Variants in AP1B1 observed in about 807,000 individuals in gnomAD.
AP1B1 encodes the protein adaptor related protein complex 1 subunit beta 1, also known as AP-1 complex subunit beta-1.
In AP1B1, 36 loss-of-function variants were observed where a neutral mutation model predicts 104.3. The observed-to-expected ratio is 0.35, with a 90% CI of 0.26 to 0.46. The LOEUF (loss-of-function observed/expected upper bound fraction) is 0.46. AP1B1 is among the 20% of genes least tolerant of loss of function. The pLI, the probability that AP1B1 is intolerant of heterozygous loss-of-function variation, is 1.00. For missense variants in AP1B1, 901 were observed against 1,247.9 expected (o/e 0.72, Z 4.19); for synonymous variants, 504 against 517.5 (o/e 0.97, Z 0.35).
At chr22:29,357,748 G>A (rs1387678046) in intron 5 of AP1B1, among the ~76,000 whole-genome samples, 1 of 138,682 alleles carries the variant, frequency 7.2e-6, no homozygotes, top group African/African-American at 2.8e-5. Flanking sequence ...GTACAGTGAC[G>A]CAGTCTTAGC....
chr22:29,342,441 G>C, intron 11 of AP1B1, 58 bp from the exon 12 acceptor site: 1 of 1,416,932 alleles, frequency 7.1e-7, no homozygotes, highest in South Asian at 1.2e-5. Flanking sequence ...GATAGAGGGA[G>C]AACAAAAAGG....
intron 1 of AP1B1, among the ~76,000 whole-genome samples, chr22:29,374,599 T>C (rs2148039100): frequency 6.6e-6 from 1 of 152,286 alleles, no homozygotes; most frequent in East Asian, 1.9e-4. Flanking sequence ...GCTGAACTGA[T>C]AAAGAGCCAA....
At chr22:29,378,294 C>T (rs1194292008) in intron 1 of AP1B1, among the ~76,000 whole-genome samples, 1 of 152,106 alleles carries the variant, frequency 6.6e-6, no homozygotes, top group African/African-American at 2.4e-5. Context: ...CGGTGACCCA[C>T]ACCTGTAATC....
chr22:29,384,855 G>A (rs899721287), intron 1 of AP1B1, among the ~76,000 whole-genome samples: 1 of 151,998 alleles, frequency 6.6e-6, no homozygotes, highest in Non-Finnish European at 1.5e-5. Context: ...GCGAAAAAGC[G>A]AGACTCTGTC....
rs747668901 is a variant in AP1B1 at position 29,350,143 on chromosome 22, G to A, written c.1163C>T (p.Ala388Val). 3.1e-6 allele frequency: 5 copies of A among 1,613,634 alleles called. No individual in the cohort carries two copies. Among genetic ancestry groups the A allele is most frequent in the African/African-American group, 1.3e-5 (1 of 74,920 alleles). Residue 388 changes from alanine (A) to valine (V), a missense_variant, in exon 10 of 23, where the codon GCG becomes GTG. Ala to Val is a moderately conservative substitution (Grantham distance 64, BLOSUM62 0). This residue lies in a region of AP1B1 where 471 missense variants were observed against 696.7 expected (regional missense o/e 0.68). Coordinates refer to ENST00000357586, the MANE Select transcript of AP1B1 (RefSeq NM_001127.4). ...GRCAIKVEQS[A>V]ERCVSTLLDL... ...GAGCAGCGTGCTCACACAGCGCTCC[G>A]CAGATTGCTGCATGGGAAGAGAAGA...
chr22:29,371,740 C>G (rs2062242284), intron 1 of AP1B1, among the ~76,000 whole-genome samples: 1 of 151,362 alleles, frequency 6.6e-6, no homozygotes, highest in African/African-American at 2.4e-5. Flanking sequence ...AAAAAAAAAG[C>G]CAGCAAATTT....
intron 7 of AP1B1, among the ~76,000 whole-genome samples, chr22:29,353,398 A>G: frequency 6.6e-6 from 1 of 152,174 alleles, no homozygotes; most frequent in Non-Finnish European, 1.5e-5. Flanking sequence ...TCTCAGGACC[A>G]GGGCAGGGCA....
At chr22:29,359,656 G>T in intron 4 of AP1B1, 168 bp downstream of exon 4, 2 of 791,262 alleles carry the variant, frequency 2.5e-6, no homozygotes, top group Non-Finnish European at 3.9e-6. Flanking sequence ...CTGATTTTCT[G>T]GAGAGTGGGA....
intron 2 of AP1B1, among the ~76,000 whole-genome samples, chr22:29,366,298 T>C (rs1319253309): frequency 6.6e-6 from 1 of 152,194 alleles, no homozygotes; most frequent in Non-Finnish European, 1.5e-5. Flanking sequence ...TTGGGAAATG[T>C]TTATGATATC....
intron 1 of AP1B1, among the ~76,000 whole-genome samples, chr22:29,377,957 C>A (rs552915971): frequency 6.6e-6 from 1 of 152,102 alleles, no homozygotes; most frequent in Non-Finnish European, 1.5e-5. Flanking sequence ...TGCCGGCACT[C>A]TCCACTGCTG....
intron 2 of AP1B1, among the ~76,000 whole-genome samples, chr22:29,364,588 T>G (rs1339931671): frequency 6.6e-6 from 1 of 152,074 alleles, no homozygotes; most frequent in Non-Finnish European, 1.5e-5. Context: ...CCAGCTAATT[T>G]TTGTATTTTT....
At chr22:29,331,277 G>A (rs867937395) in intron 19 of AP1B1, among the ~76,000 whole-genome samples, 172 bp downstream of exon 19, 14 of 152,050 alleles carry the variant, frequency 9.2e-5, no homozygotes, top group Admixed American at 8.5e-4. Context: ...CACTAAGGCC[G>A]GGGGGGTCCT....
At chr22:29,331,305 C>T (rs1024135817) in intron 19 of AP1B1, 144 bp downstream of exon 19, 1 of 847,120 alleles carries the variant, frequency 1.2e-6, no homozygotes. Context: ...CCCCTCACTC[C>T]AGGCCCTGCA....
intron 11 of AP1B1, among the ~76,000 whole-genome samples, chr22:29,344,110 C>CAAAAAAAAAAAAAAA (rs58337637): frequency 5.6e-5 from 5 of 89,752 alleles, no homozygotes; most frequent in African/African-American, 2.0e-4. Flanking sequence ...GACTTTGTCT[C>CAAAAAAAAAAAAAAA]AAAAAAAAAA....
intron 11 of AP1B1, among the ~76,000 whole-genome samples, chr22:29,348,046 T>C (rs1018087554): frequency 2.6e-5 from 4 of 152,344 alleles, no homozygotes; most frequent in African/African-American, 9.6e-5. Flanking sequence ...GCTAAACAAT[T>C]TGAATTTACA....
rs117580909 is a variant in AP1B1, at chr22:29,332,309, C to T, written c.2310-393G>A. 483 of 166,834 alleles carry T rather than the reference C, an allele frequency of 2.9e-3. 3 individuals are homozygous for T. Among genetic ancestry groups the T allele is most frequent in the African/African-American group, 0.011 (462 of 42,204 alleles). 10.3% of individuals were successfully genotyped at this position (166,834 alleles called of 1,614,324 possible). A position where few individuals can be genotyped will look rare whatever the true frequency, so the allele number is the denominator to read the frequency against. On this transcript the variant is annotated intron_variant, in intron 17 of 22. Coordinates refer to ENST00000357586, the MANE Select transcript of AP1B1 (RefSeq NM_001127.4). ...TCTACCTTGAAAACTCTGGGACCACCCAAGTCTCTGCTGCCAATCCTCAAC... is the reference window on the plus strand; with the variant it reads ...TCTACCTTGAAAACTCTGGGACCACTCAAGTCTCTGCTGCCAATCCTCAAC...
intron 7 of AP1B1, among the ~76,000 whole-genome samples, chr22:29,352,247 T>C (rs1025942695): frequency 2.6e-5 from 4 of 152,238 alleles, no homozygotes; most frequent in African/African-American, 7.2e-5. Context: ...TCAGAAGGCC[T>C]GGCACGTGGC....
At chr22:29,381,659 A>C (rs1021686508) in intron 1 of AP1B1, among the ~76,000 whole-genome samples, 3 of 152,248 alleles carry the variant, frequency 2.0e-5, no homozygotes, top group Non-Finnish European at 2.9e-5. Context: ...TGAATAAATT[A>C]TGAGAGAGAG....
intron 19 of AP1B1, 110 bp from the exon 20 acceptor site, chr22:29,330,819 A>C (rs1010535846): frequency 2.6e-5 from 23 of 878,390 alleles, no homozygotes; most frequent in African/African-American, 1.3e-4. Flanking sequence ...GTGAAAGCTG[A>C]CAACAGGCAC....
Sources: allele counts gnomAD v4.1 joint callset (sites outside exome capture counted in the v4.1 genomes callset), GRCh38; gene constraint gnomAD v4.1.1; regional missense constraint gnomAD v4.1.1; transcripts MANE v1.5; gene names NCBI Gene and HGNC (gene_info 2026-07-23, HGNC 2026-07-21).